Variants in CYB5R2 observed in about 807,000 individuals in gnomAD.
The protein encoded by CYB5R2 is NADH-cytochrome b5 reductase 2.
Under a neutral mutation model 29.8 loss-of-function variants are expected in CYB5R2, and 35 were observed. The ratio of observed to expected loss-of-function variants is 1.17; its 90% CI spans 0.90 to 1.56. The LOEUF (loss-of-function observed/expected upper bound fraction) is 1.56, where lower values mean the gene tolerates loss of function less well. Ranked by LOEUF, CYB5R2 falls within the 40% of genes most tolerant of loss-of-function variation. The pLI, the probability that CYB5R2 is intolerant of heterozygous loss-of-function variation, is 0.00. For synonymous variants in CYB5R2, 169 were observed against 130.6 expected (o/e 1.29, Z -2.01); for missense variants, 419 against 346.7 (o/e 1.21, Z -1.66).
At chr11:7,669,765 A>ATATT in intron 3 of CYB5R2, 34 bp from the exon 4 acceptor site, 1 of 1,488,580 alleles carries the variant, frequency 6.7e-7, no homozygotes, top group Non-Finnish European at 9.4e-7. Context: ...GAGTCAAAGC[A>ATATT]TATTTAGCTT....
intron 7 of CYB5R2, 182 bp downstream of exon 7, chr11:7,667,546 A>G (rs979101614): frequency 3.3e-6 from 2 of 603,014 alleles, no homozygotes; most frequent in Admixed American, 5.8e-5. Context: ...AGTTAAATAC[A>G]TGCAAAAAGC....
chr11:7,669,407 T>G, intron 4 of CYB5R2, 73 bp from the exon 5 acceptor site: 1 of 1,521,922 alleles, frequency 6.6e-7, no homozygotes, highest in Non-Finnish European at 8.9e-7. Context: ...AGAAAATGCA[T>G]TTACTGCTGG....
intron 3 of CYB5R2, chr11:7,671,635 A>ATCTC (rs1346749105): frequency 6.7e-6 from 1 of 148,654 alleles, no homozygotes; most frequent in East Asian, 1.9e-4. Flanking sequence ...CTAGAGTGTA[A>ATCTC]TCTCACCACC....
intron 4 of CYB5R2, 108 bp downstream of exon 4, chr11:7,669,517 C>A (rs1257276335): frequency 9.0e-6 from 11 of 1,217,436 alleles, no homozygotes; most frequent in Non-Finnish European, 1.3e-5. Context: ...GCTGGAAAGC[C>A]CTGCCTAGGG....
chr11:7,668,656 T>C (rs1177988867), intron 5 of CYB5R2, 95 bp from the exon 6 acceptor site: 8 of 1,012,392 alleles, frequency 7.9e-6, no homozygotes, highest in Non-Finnish European at 1.3e-5. Flanking sequence ...AGGAGGCACG[T>C]CCAGCTAAGG....
At chr11:7,668,429 A>G in intron 6 of CYB5R2, 49 bp downstream of exon 6, 1 of 1,396,894 alleles carries the variant, frequency 7.2e-7, no homozygotes, top group South Asian at 1.2e-5. Flanking sequence ...CCAAGTCAGA[A>G]TGGGTCTCGG....
intron 6 of CYB5R2, 125 bp from the exon 7 acceptor site, chr11:7,667,938 C>G (rs1399696387): frequency 1.3e-6 from 1 of 776,118 alleles, no homozygotes; most frequent in Non-Finnish European, 2.2e-6. Context: ...GTCCCCAAAA[C>G]TCAAAGCAGG....
chr11:7,669,685 G>A lies in CYB5R2; in HGVS notation c.198C>T (p.Val66=). The A allele has an allele frequency of 6.2e-7, 1 of 1,613,926 alleles. No homozygotes were observed. Among genetic ancestry groups the A allele is most frequent in the South Asian group, 1.1e-5 (1 of 91,040 alleles). Residue 66 remains valine, a synonymous_variant, in exon 4 of 9, where the codon GTC becomes GTT. Transcript: ENST00000299498. The part of the protein sequence containing the change: ...LLAKIDNELV[V]RAYTPVSSDD... ...CACTGGAGACAGGGGTGTAAGCCCT[G>A]ACCACCAATTCATTATCGATTTTTG...
At chr11:7,673,141 T>TG in intron 1 of CYB5R2, 1 of 417,890 alleles carries the variant, frequency 2.4e-6, no homozygotes, top group South Asian at 2.2e-5. Flanking sequence ...GCAGCACACA[T>TG]GGCCTGGGGT....
intron 8 of CYB5R2, 102 bp from the exon 9 acceptor site, chr11:7,665,648 G>C: frequency 1.5e-6 from 2 of 1,313,104 alleles, no homozygotes; most frequent in Non-Finnish European, 2.1e-6. Flanking sequence ...GAGGTGACAA[G>C]CTGCTCTACA....
chr11:7,671,117 G>A (rs755558336), intron 3 of CYB5R2: 3 of 152,238 alleles, frequency 2.0e-5, no homozygotes, highest in Non-Finnish European at 4.4e-5. Flanking sequence ...CTCAGAACAG[G>A]CTCAATGACT....
intron 5 of CYB5R2, 173 bp from the exon 6 acceptor site, chr11:7,668,734 C>T (rs536425591): frequency 1.9e-4 from 123 of 652,210 alleles, no homozygotes; most frequent in African/African-American, 1.9e-3. Flanking sequence ...CCTGGTGCTC[C>T]AGTGCACAAA....
chr11:7,666,741 G>C, intron 7 of CYB5R2, 191 bp from the exon 8 acceptor site: 1 of 491,194 alleles, frequency 2.0e-6, no homozygotes, highest in Non-Finnish European at 3.7e-6. Flanking sequence ...TGTGGATGAA[G>C]TTCCTCCATG....
At chr11:7,665,837 G>A in intron 8 of CYB5R2, 1 of 1,535,172 alleles carries the variant, frequency 6.5e-7, no homozygotes, top group Non-Finnish European at 8.7e-7. Context: ...CGAGGTGTGT[G>A]AATCAGTACA....
chr11:7,669,226 G>A lies in CYB5R2; in HGVS notation c.367C>T (p.Arg123Cys), dbSNP rs148127253. 2.6e-4 allele frequency: 414 copies of A among 1,613,880 alleles called. No homozygotes were observed. The highest frequency in any genetic ancestry group is 3.1e-4 in the Non-Finnish European group (369 of 1,180,002). The change falls in exon 5 of 9, where the codon CGC becomes TGC. Residue 123 changes from arginine (R) to cysteine (C), a missense_variant. Arg to Cys is a radical substitution (Grantham distance 180, BLOSUM62 -3). Coordinates refer to ENST00000299498, the MANE Select transcript of CYB5R2 (RefSeq NM_016229.5). The part of the protein sequence containing the change: ...ETIFFRGPRG[R>C]LFYHGPGNLG... ...GTACCTGGCCCATGGTAAAACAAGC[G>A]TCCCCTTGGCCCTCGAAAAAAGATG... is the stretch of plus-strand genomic sequence containing the variant.
At chr11:7,670,759 A>G (rs1855681246) in intron 3 of CYB5R2, 1 of 152,256 alleles carries the variant, frequency 6.6e-6, no homozygotes, top group African/African-American at 2.4e-5. Context: ...TGTGAGACTC[A>G]AATTACTAAG....
At chr11:7,667,843 T>C in intron 6 of CYB5R2, 30 bp from the exon 7 acceptor site, 1 of 1,580,846 alleles carries the variant, frequency 6.3e-7, no homozygotes, top group Non-Finnish European at 8.7e-7. Context: ...CAGCCAGCTT[T>C]CTCCCTGTCT....
At chr11:7,673,798 G>A, upstream of CYB5R2, 6 of 987,606 alleles carry the variant, frequency 6.1e-6, no homozygotes, top group Non-Finnish European at 7.2e-6. Flanking sequence ...GACTCGTGGC[G>A]TCGCCCCGCA....
intron 7 of CYB5R2, chr11:7,667,512 G>C: frequency 1.9e-6 from 1 of 520,620 alleles, no homozygotes; most frequent in Non-Finnish European, 3.4e-6. Context: ...TTAGTGCTTA[G>C]GGCTGGCTGA....
Sources: gnomAD v4.1 joint callset for allele counts on GRCh38, gnomAD v4.1.1 for gene constraint, MANE v1.5 for transcripts, NCBI Gene and HGNC (gene_info 2026-07-23, HGNC 2026-07-21) for gene names.